DOP1B: variants seen among roughly 807,000 people sequenced by gnomAD.
The protein encoded by DOP1B is DOP1 leucine zipper like protein B, also known as protein DOP1B.
In DOP1B, 174 loss-of-function variants were observed where a neutral mutation model predicts 233.5. That is an observed-to-expected ratio of 0.75 (90% confidence interval 0.66 to 0.85). The LOEUF (loss-of-function observed/expected upper bound fraction) is 0.85. Among genes scored for constraint, DOP1B ranks in the 40% least tolerant of loss-of-function variants. DOP1B has a pLI of 0.00. For synonymous variants in DOP1B, 1,190 were observed against 1,185.6 expected (o/e 1.00, Z -0.08); for missense variants, 2,652 against 2,846.6 (o/e 0.93, Z 1.56).
At chr21:36,266,016 C>T (rs1011237044) in intron 26 of DOP1B, among the ~76,000 whole-genome samples, 8 of 151,964 alleles carry the variant, frequency 5.3e-5, no homozygotes, top group Non-Finnish European at 1.2e-4. Context: ...ACAAGACTGC[C>T]CCACCCCCTC....
chr21:36,289,424 GGTGTGTGTGTGTGTGTGTGTGTGTGT>G lies in DOP1B; in HGVS notation c.6515+244_6515+269del, dbSNP rs59907412. On this transcript the variant is annotated intron_variant, in intron 35 of 36. Coordinates refer to ENST00000691173, the MANE Select transcript of DOP1B (RefSeq NM_001320714.2). ...GGAGTGTTTATGAATGTGTTTCTATGGTGTGTGTGTGTGTGTGTGTGTGTGTGTGTGTGTGTGTGTGTGTGTGTGTG... is the reference window on the plus strand; with the variant it reads ...GGAGTGTTTATGAATGTGTTTCTATGGTGTGTGTGTGTGTGTGTGTGTGTG... Among the ~76,000 whole-genome samples, 8 of 145,064 alleles carry G rather than the reference GGTGTGTGTGTGTGTGTGTGTGTGTGT, an allele frequency of 5.5e-5. No homozygotes were observed. In the East Asian group the frequency reaches 8.5e-4, roughly 15 times the overall value.
intron 9 of DOP1B, among the ~76,000 whole-genome samples, chr21:36,218,977 T>A (rs1397081332): frequency 6.6e-6 from 1 of 152,242 alleles, no homozygotes; most frequent in Non-Finnish European, 1.5e-5. Context: ...TTATGCACAC[T>A]TAACACACGT....
intron 2 of DOP1B, among the ~76,000 whole-genome samples, chr21:36,175,487 A>G (rs2066012720): frequency 1.3e-5 from 2 of 151,724 alleles, no homozygotes; most frequent in South Asian, 4.2e-4. Context: ...TACTTTGATT[A>G]CCTATTTAAA....
chr21:36,224,315 G>A (rs1389006617), intron 11 of DOP1B, among the ~76,000 whole-genome samples: 4 of 151,710 alleles, frequency 2.6e-5, no homozygotes, highest in Middle Eastern at 3.2e-3. Context: ...AAGTAACTGC[G>A]ACTACAGGTG....
Position 36,293,582 on chromosome 21 carries a change from G to A in DOP1B, c.*11G>A. On this transcript the variant is annotated 3_prime_UTR_variant, in exon 37 of 37. Transcript: ENST00000691173. ...CATCCAGAATGTTAACCATGTGAGA[G>A]AGAATATGTTTAATCCATGTATTGG... The A allele has an allele frequency of 6.2e-7, 1 of 1,613,402 alleles. No individual in the cohort carries two copies. Among genetic ancestry groups the A allele is most frequent in the East Asian group, 2.2e-5 (1 of 44,880 alleles).
chr21:36,245,558 C>T lies in DOP1B; in HGVS notation c.3578C>T (p.Ser1193Phe). The T allele has an allele frequency of 1.2e-6, 2 of 1,613,506 alleles. No homozygotes were observed. Among genetic ancestry groups the T allele is most frequent in the Non-Finnish European group, 1.7e-6 (2 of 1,179,984 alleles). ...AAGACGCAGGCTTCTGAGTCGTTCT[C>T]CAGCGACGAGGAGGCGGACTTGGAG... is the stretch of plus-strand genomic sequence containing the variant. ...SDKTQASESF[S>F]SDEEADLELQ... Residue 1193 changes from serine (S) to phenylalanine (F), a missense_variant, in exon 19 of 37, where the codon TCC (serine) becomes TTC (phenylalanine). This residue lies in a region of DOP1B where 2,617 missense variants were observed against 2,794.3 expected (regional missense o/e 0.94). Coordinates refer to ENST00000691173, the MANE Select transcript of DOP1B (RefSeq NM_001320714.2). This position sits in a 1 kb window ranked among gnomAD's most constrained non-coding sequence, Gnocchi z 5.5.
intron 4 of DOP1B, among the ~76,000 whole-genome samples, chr21:36,204,323 C>T (rs1392428252): frequency 6.6e-6 from 1 of 152,126 alleles, no homozygotes; most frequent in Non-Finnish European, 1.5e-5. Context: ...TTTTGGAGCT[C>T]ATTAATAAGG....
rs1014366676 is a variant in DOP1B, at chr21:36,263,824, TGAAA to T, written c.5487+13_5487+16del. ...CCAAAAAGACCTGCAGGTTTGTATA[TGAAA>T]GAGGTTCAGCCAAATGATATTACCC... On this transcript the variant is annotated intron_variant, in intron 26 of 36. Transcript: ENST00000691173. 2 of 1,613,868 alleles carry T rather than the reference TGAAA, an allele frequency of 1.2e-6. No individual in the cohort carries two copies. The highest frequency in any genetic ancestry group is 2.7e-5 in the African/African-American group (2 of 74,932).
intron 11 of DOP1B, among the ~76,000 whole-genome samples, chr21:36,224,907 C>T (rs1406664674): frequency 2.0e-5 from 3 of 151,782 alleles, no homozygotes; most frequent in Non-Finnish European, 4.4e-5. Context: ...GGTGAACAGC[C>T]ATGTGGACTG....
chr21:36,182,171 C>T (rs1308479081), intron 2 of DOP1B, among the ~76,000 whole-genome samples: 2 of 151,970 alleles, frequency 1.3e-5, no homozygotes, highest in African/African-American at 2.4e-5. Context: ...GGAAGGAGCC[C>T]GGAATTGGAG....
At chr21:36,182,061 G>A (rs2066105324) in intron 2 of DOP1B, among the ~76,000 whole-genome samples, 1 of 152,084 alleles carries the variant, frequency 6.6e-6, no homozygotes. Context: ...CTTGTGTTTG[G>A]GGGTCATTCT....
chr21:36,276,805 C>T (rs1381591008), intron 27 of DOP1B, among the ~76,000 whole-genome samples: 1 of 147,790 alleles, frequency 6.8e-6, no homozygotes, highest in Non-Finnish European at 1.5e-5. Context: ...CACACCACTG[C>T]ACTCCAGCCT....
chr21:36,244,019 CTTTTTTTTT>C (rs35020490), intron 18 of DOP1B, among the ~76,000 whole-genome samples: 2 of 70,580 alleles, frequency 2.8e-5, no homozygotes, highest in Admixed American at 2.2e-4. Flanking sequence ...TTTTCCTTTC[CTTTTTTTTT>C]TTTTTTTTTT....
intron 5 of DOP1B, among the ~76,000 whole-genome samples, chr21:36,209,105 T>A (rs777866989): frequency 4.6e-5 from 7 of 152,100 alleles, no homozygotes; most frequent in Non-Finnish European, 1.0e-4. Flanking sequence ...TTTTAACATA[T>A]GCATTAAGGT....
intron 2 of DOP1B, among the ~76,000 whole-genome samples, chr21:36,198,579 C>T (rs2066321180): frequency 6.6e-6 from 1 of 152,214 alleles, no homozygotes; most frequent in African/African-American, 2.4e-5. Flanking sequence ...CTCTGGGATG[C>T]TTTCCCGCAG....
At chr21:36,187,159 A>C (rs1343634633) in intron 2 of DOP1B, among the ~76,000 whole-genome samples, 1 of 149,452 alleles carries the variant, frequency 6.7e-6, no homozygotes, top group Non-Finnish European at 1.5e-5. Context: ...TCTTCCCCCA[A>C]GGCCTGGCCT....
chr21:36,272,010 C>T (rs2067294716), intron 27 of DOP1B, among the ~76,000 whole-genome samples: 1 of 149,300 alleles, frequency 6.7e-6, no homozygotes, highest in Non-Finnish European at 1.5e-5. Flanking sequence ...TGTCATTTAA[C>T]ACAGGGAAGG....
intron 23 of DOP1B, among the ~76,000 whole-genome samples, chr21:36,259,221 T>A (rs916865432): frequency 1.3e-5 from 2 of 151,664 alleles, no homozygotes; most frequent in Non-Finnish European, 2.9e-5. Flanking sequence ...CGCCTCGGCT[T>A]CCCAAAGTGC....
intron 10 of DOP1B, among the ~76,000 whole-genome samples, chr21:36,221,231 G>A (rs926176339): frequency 6.6e-6 from 1 of 152,198 alleles, no homozygotes; most frequent in African/African-American, 2.4e-5. Flanking sequence ...AGTGGCTCAC[G>A]CCTGTAATTT....
Sources: allele counts gnomAD v4.1 joint callset (sites outside exome capture counted in the v4.1 genomes callset), GRCh38; gene constraint gnomAD v4.1.1; regional missense constraint gnomAD v4.1.1; non-coding constraint Gnocchi (gnomAD v3.1); transcripts MANE v1.5; gene names NCBI Gene and HGNC (gene_info 2026-07-23, HGNC 2026-07-21).